Variants in CHRM2 observed in about 807,000 individuals in gnomAD.
The protein encoded by CHRM2 is muscarinic acetylcholine receptor M2.
Under a neutral mutation model 25.0 loss-of-function variants are expected in CHRM2, and 8 were observed. The observed-to-expected ratio is 0.32, with a 90% CI of 0.19 to 0.58. CHRM2 has a LOEUF of 0.58. CHRM2 is among the 20% of genes least tolerant of loss of function. CHRM2 has a pLI of 0.88. For missense variants in CHRM2, 440 were observed against 567.1 expected, an observed-to-expected ratio of 0.78 and a Z score of 2.28; for synonymous variants, 202 against 205.7, an observed-to-expected ratio of 0.98 and a Z score of 0.15.
At chr7:136,925,277 G>T (rs1332747519) in intron 2 of CHRM2, among the ~76,000 whole-genome samples, 2 of 152,112 alleles carry the variant, frequency 1.3e-5, no homozygotes, top group Non-Finnish European at 2.9e-5. Context: ...ATATCCGGTT[G>T]CTGGCCAAGT....
At chr7:136,965,354 G>A (rs957187201) in intron 2 of CHRM2, among the ~76,000 whole-genome samples, 1 of 152,004 alleles carries the variant, frequency 6.6e-6, no homozygotes, top group Non-Finnish European at 1.5e-5. Context: ...CCATACTTCA[G>A]TAGTTGAGGA....
At chr7:136,995,178 T>C (rs779780265) in intron 3 of CHRM2, among the ~76,000 whole-genome samples, 1 of 152,144 alleles carries the variant, frequency 6.6e-6, no homozygotes, top group Non-Finnish European at 1.5e-5. Context: ...ATATTCCCTA[T>C]AGTCTATGTG....
intron 2 of CHRM2, among the ~76,000 whole-genome samples, chr7:136,889,047 CAAAAAAA>C (rs56915229): frequency 0.093 from 6,195 of 66,304 alleles, 154 homozygotes; most frequent in African/African-American, 0.12. Flanking sequence ...GACTACATCT[CAAAAAAA>C]AAAAAAAAAA....
rs146810696 is a variant in CHRM2 at position 136,972,072 on chromosome 7, G to A, written c.-124-20115G>A. 3.3e-3 allele frequency among the ~76,000 whole-genome samples: 501 copies of A among 151,378 alleles called. 2 individuals are homozygous for A. Among genetic ancestry groups the A allele is most frequent in the African/African-American group, 0.011 (463 of 41,308 alleles). ...GATTGATCTGATATTTGGACATTACGTATACTGAGCCTTGGAGGAATAGAA... is the reference window on the plus strand; with the variant it reads ...GATTGATCTGATATTTGGACATTACATATACTGAGCCTTGGAGGAATAGAA... On this transcript the variant is annotated intron_variant, in intron 2 of 3. Transcript: ENST00000680005.
chr7:136,910,832 A>T (rs1424388), intron 2 of CHRM2, among the ~76,000 whole-genome samples: 20,831 of 105,712 alleles, frequency 0.2, 1,909 homozygotes, highest in East Asian at 0.41. Context: ...TGTGTGTGTG[A>T]GAGAGAGAGA....
intron 2 of CHRM2, among the ~76,000 whole-genome samples, chr7:136,978,834 T>A (rs921358363): frequency 6.6e-6 from 1 of 152,236 alleles, no homozygotes; most frequent in African/African-American, 2.4e-5. Context: ...CCACATTTTA[T>A]TTATCCAGTG....
At chr7:136,883,646 C>T (rs1212307372) in intron 2 of CHRM2, among the ~76,000 whole-genome samples, 2 of 152,090 alleles carry the variant, frequency 1.3e-5, no homozygotes, top group East Asian at 1.9e-4. Context: ...AGATATGAGG[C>T]TATAAAAACT....
At chr7:136,968,721 AATATAT>A (rs57962090) in intron 2 of CHRM2, among the ~76,000 whole-genome samples, 10,912 of 142,454 alleles carry the variant, frequency 0.077, 600 homozygotes, top group Non-Finnish European at 0.11. Context: ...TATTATCATA[AATATAT>A]ATATATATAT....
Position 136,948,533 on chromosome 7 carries a change from C to A in CHRM2, c.-124-43654C>A, listed in dbSNP as rs1482595560. ...TGTGAGGACATTTAAGTCAACCAAGCACTTAGCGGAATCAGAAGTGTGGAA... is the reference window on the plus strand; with the variant it reads ...TGTGAGGACATTTAAGTCAACCAAGAACTTAGCGGAATCAGAAGTGTGGAA... On this transcript the variant is annotated intron_variant, in intron 2 of 3. Transcript: ENST00000680005. 2.6e-5 allele frequency among the ~76,000 whole-genome samples: 4 copies of A among 152,200 alleles called. No individual in the cohort carries two copies. In the South Asian group the frequency reaches 6.2e-4, roughly 24 times the overall value.
At chr7:136,971,881 A>T (rs1355415929) in intron 2 of CHRM2, among the ~76,000 whole-genome samples, 1 of 152,132 alleles carries the variant, frequency 6.6e-6, no homozygotes, top group Non-Finnish European at 1.5e-5. Flanking sequence ...TTTCACCTTC[A>T]CTACTCTCAT....
intron 2 of CHRM2, among the ~76,000 whole-genome samples, chr7:136,905,404 T>C (rs901778226): frequency 7.2e-5 from 11 of 151,800 alleles, no homozygotes; most frequent in Non-Finnish European, 1.5e-5. Flanking sequence ...TCTACCTGAT[T>C]TGTAGCTGTA....
chr7:136,896,509 C>T (rs1193347420), intron 2 of CHRM2, among the ~76,000 whole-genome samples: 1 of 152,064 alleles, frequency 6.6e-6, no homozygotes, highest in East Asian at 1.9e-4. Context: ...GCCCATTCAA[C>T]CCAGAGAGAA....
intron 2 of CHRM2, among the ~76,000 whole-genome samples, chr7:136,956,456 A>G (rs1220125321): frequency 3.3e-5 from 5 of 152,204 alleles, no homozygotes; most frequent in African/African-American, 1.2e-4. Flanking sequence ...TAGTGGGTAT[A>G]GATAGCAACA....
chr7:136,935,491 TAA>T (rs1339394435), intron 2 of CHRM2, among the ~76,000 whole-genome samples: 1 of 152,054 alleles, frequency 6.6e-6, no homozygotes, highest in African/African-American at 2.4e-5. Flanking sequence ...TAAACAAGAA[TAA>T]AGAGGAAACG....
At chr7:136,904,198 T>A (rs907270697) in intron 2 of CHRM2, among the ~76,000 whole-genome samples, 1 of 151,926 alleles carries the variant, frequency 6.6e-6, no homozygotes, top group Non-Finnish European at 1.5e-5. Flanking sequence ...TTCATCCTTA[T>A]ACTGTTGAAA....
intron 2 of CHRM2, among the ~76,000 whole-genome samples, chr7:136,916,735 T>C (rs915463914): frequency 7.3e-5 from 11 of 151,280 alleles, no homozygotes; most frequent in African/African-American, 2.7e-4. Flanking sequence ...CTATGTACTA[T>C]GTTATATTAG....
intron 2 of CHRM2, among the ~76,000 whole-genome samples, chr7:136,880,355 C>T (rs1410567628): frequency 1.3e-5 from 2 of 151,906 alleles, no homozygotes; most frequent in African/African-American, 4.8e-5. Context: ...GAAATCCCTG[C>T]ACCAAATATT....
chr7:136,956,827 G>T (rs1563089312), intron 2 of CHRM2, among the ~76,000 whole-genome samples: 1 of 149,336 alleles, frequency 6.7e-6, no homozygotes, highest in Non-Finnish European at 1.5e-5. Flanking sequence ...TCATATGAAG[G>T]TTTTTTTTTT....
rs367612489 is a variant in CHRM2 at position 136,883,158 on chromosome 7, C to T, written c.-125+13740C>T. Among the ~76,000 whole-genome samples the T allele has an allele frequency of 2.0e-5, 3 of 152,144 alleles. No individual in the cohort carries two copies. In the South Asian group the frequency reaches 6.2e-4, roughly 31 times the overall value. On this transcript the variant is annotated intron_variant, in intron 2 of 3. Transcript: ENST00000680005. The stretch of plus-strand genomic sequence containing the variant: ...CCTAATAGCACTACTTCTGCCTTAA[C>T]AGTTACAGTGGACCTAAGCTCCCTA...
Sources: allele counts gnomAD v4.1 joint callset (sites outside exome capture counted in the v4.1 genomes callset), GRCh38; gene constraint gnomAD v4.1.1; transcripts MANE v1.5; gene names NCBI Gene and HGNC (gene_info 2026-07-23, HGNC 2026-07-21).